Variants in KLF12 observed in about 807,000 individuals in gnomAD.
KLF12 encodes the protein KLF transcription factor 12, also known as Krueppel-like factor 12.
Under a neutral mutation model 37.8 loss-of-function variants are expected in KLF12, and 9 were observed. The observed-to-expected ratio is 0.24, with a 90% confidence interval of 0.14 to 0.42. KLF12 has a LOEUF of 0.42. Ranked by LOEUF, KLF12 falls within the 10% of genes least tolerant of loss-of-function variation. The pLI is 1.00. For missense variants in KLF12, 411 were observed against 516.0 expected (o/e 0.80, Z 1.97); for synonymous variants, 208 against 202.1 (o/e 1.03, Z -0.25).
At position 74,117,806 on chromosome 13, in the gene KLF12, G is replaced by A. The variant is rs76014075; in HGVS notation, c.-32+15933C>T. Among the ~76,000 whole-genome samples, 252 of 152,210 alleles carry A rather than the reference G, an allele frequency of 1.7e-3. 1 individual carries two copies. Among genetic ancestry groups the A allele is most frequent in the African/African-American group, 5.7e-3 (238 of 41,540 alleles). On this transcript the variant is annotated intron_variant, in intron 1 of 7. Coordinates refer to ENST00000377669, the MANE Select transcript of KLF12 (RefSeq NM_007249.5). ...AGCATCAGATGAACCAAAACTGAAG[G>A]ACGTCCTATAAAATACCTGACCAGT...
intron 1 of KLF12, among the ~76,000 whole-genome samples, chr13:74,058,404 T>A (rs1157584066): frequency 1.4e-5 from 2 of 142,098 alleles, no homozygotes; most frequent in African/African-American, 5.2e-5. Context: ...TCACCCAGGC[T>A]GGAGTGCAGC....
At chr13:74,245,903 T>C in the KLF12 span, among the ~76,000 whole-genome samples, 4 of 152,348 alleles carry the variant, frequency 2.6e-5, no homozygotes, top group Admixed American at 2.6e-4. Flanking sequence ...TATGTTAAAG[T>C]ATCAATGAAA....
At chr13:73,974,552 CT>C (rs2138132544) in intron 2 of KLF12, among the ~76,000 whole-genome samples, 1 of 152,168 alleles carries the variant, frequency 6.6e-6, no homozygotes, top group Admixed American at 6.5e-5. Context: ...TCCACAAGAC[CT>C]TCATAAAATA....
At chr13:74,194,580 G>T in the KLF12 span, among the ~76,000 whole-genome samples, 1 of 152,154 alleles carries the variant, frequency 6.6e-6, no homozygotes, top group Non-Finnish European at 1.5e-5. Flanking sequence ...CAAGGGGGAA[G>T]AGACCTCATG....
In KLF12 at chr13:73,715,374, G is replaced by C; in HGVS notation, c.1021C>G (p.His341Asp). ...AAGCCCTGCAGAGCGGTACCTGTAT[G>C]TGTCCTCCGGTGAGCCTTCAGGTGA... is the stretch of plus-strand genomic sequence containing the variant. The change falls in exon 7 of 8, where the codon CAT (histidine) becomes GAT (aspartate). Residue 341 changes from histidine (H) to aspartate (D), a missense_variant. Transcript: ENST00000377669. The C allele has an allele frequency of 6.2e-7, 1 of 1,613,436 alleles. No homozygotes were observed. The highest frequency in any genetic ancestry group is 8.5e-7 in the Non-Finnish European group (1 of 1,179,730).
intron 3 of KLF12, among the ~76,000 whole-genome samples, chr13:73,881,467 C>T (rs374468044): frequency 2.0e-5 from 3 of 151,776 alleles, no homozygotes; most frequent in Admixed American, 2.0e-4. Flanking sequence ...ATTAAGAAAA[C>T]CATTCATTTT....
the KLF12 span, chr13:74,260,056 T>C: frequency 6.6e-6 from 1 of 152,340 alleles, no homozygotes; most frequent in East Asian, 1.9e-4. Context: ...CTGTTTCTTT[T>C]GTGTCCCCTC....
intron 3 of KLF12, among the ~76,000 whole-genome samples, chr13:73,887,828 T>C (rs1385803400): frequency 6.6e-6 from 1 of 152,140 alleles, no homozygotes; most frequent in East Asian, 1.9e-4. Flanking sequence ...ATTACCTCCA[T>C]GAATTTAAAA....
At chr13:73,813,732 A>G (rs146760394) in intron 4 of KLF12, among the ~76,000 whole-genome samples, 51 of 152,314 alleles carry the variant, frequency 3.3e-4, no homozygotes, top group African/African-American at 1.1e-3. Flanking sequence ...AGCTCTCATA[A>G]TAAGTTAAAA....
At chr13:73,889,166 C>T (rs1887376123) in intron 3 of KLF12, among the ~76,000 whole-genome samples, 1 of 152,062 alleles carries the variant, frequency 6.6e-6, no homozygotes, top group African/African-American at 2.4e-5. Flanking sequence ...TGGGTAGAGA[C>T]ACAGAAAGCC....
At chr13:73,749,407 T>G (rs1185480681) in intron 6 of KLF12, among the ~76,000 whole-genome samples, 1 of 152,130 alleles carries the variant, frequency 6.6e-6, no homozygotes, top group South Asian at 2.1e-4. Context: ...CAATTAAAAC[T>G]AAAAGACTGA....
chr13:73,886,986 C>A (rs1275196135), intron 3 of KLF12, among the ~76,000 whole-genome samples: 1 of 107,554 alleles, frequency 9.3e-6, no homozygotes. Context: ...GAGCGAAAAT[C>A]CGTCTCAAAA....
chr13:73,840,187 G>A (rs2138646081), intron 4 of KLF12, among the ~76,000 whole-genome samples: 1 of 152,236 alleles, frequency 6.6e-6, no homozygotes, highest in Non-Finnish European at 1.5e-5. Flanking sequence ...TTGACAAGCT[G>A]CTCTTGAAAA....
chr13:73,995,572 A>C (rs1030306042), intron 1 of KLF12, among the ~76,000 whole-genome samples: 1 of 152,190 alleles, frequency 6.6e-6, no homozygotes, highest in Non-Finnish European at 1.5e-5. Flanking sequence ...ATACAAATAA[A>C]TTCGGTGGTT....
intron 1 of KLF12, among the ~76,000 whole-genome samples, chr13:74,077,962 T>C (rs1175428779): frequency 6.6e-6 from 1 of 152,220 alleles, no homozygotes; most frequent in Non-Finnish European, 1.5e-5. Flanking sequence ...GGAGAATAAA[T>C]GCAGCTGATG....
chr13:73,790,117 C>A (rs78962497), intron 5 of KLF12, among the ~76,000 whole-genome samples: 1,542 of 152,232 alleles, frequency 0.01, 32 homozygotes, highest in African/African-American at 0.035. Context: ...ATATTTTATT[C>A]CCTTTTCCAA....
the KLF12 span, among the ~76,000 whole-genome samples, chr13:74,189,179 A>C: frequency 6.6e-6 from 1 of 152,208 alleles, no homozygotes; most frequent in Non-Finnish European, 1.5e-5. Context: ...CAATTGTTTC[A>C]GTGAACACAT....
intron 2 of KLF12, among the ~76,000 whole-genome samples, chr13:73,969,998 G>C (rs1207566717): frequency 1.3e-5 from 2 of 152,102 alleles, no homozygotes; most frequent in African/African-American, 2.4e-5. Context: ...ACAGTGCTTA[G>C]TTAGGTTCAA....
chr13:73,952,484 A>G (rs1334478032), intron 2 of KLF12, among the ~76,000 whole-genome samples: 1 of 152,180 alleles, frequency 6.6e-6, no homozygotes, highest in African/African-American at 2.4e-5. Flanking sequence ...TGCCCCCATG[A>G]TCCAATCACC....
Sources: gnomAD v4.1 joint callset for allele counts (sites outside exome capture counted in the v4.1 genomes callset) on GRCh38, gnomAD v4.1.1 for gene constraint, MANE v1.5 for transcripts, NCBI Gene and HGNC (gene_info 2026-07-23, HGNC 2026-07-21) for gene names.